IL1RL2: variants seen among roughly 807,000 people sequenced by gnomAD.
The protein encoded by IL1RL2 is interleukin-1 receptor-like 2.
Under a neutral mutation model 66.8 loss-of-function variants are expected in IL1RL2, and 68 were observed. That is an observed-to-expected ratio of 1.02 (90% confidence interval 0.84 to 1.25). The LOEUF (loss-of-function observed/expected upper bound fraction) is 1.25, where lower values mean the gene tolerates loss of function less well. Ranked by LOEUF, IL1RL2 falls within the 50% of genes most tolerant of loss-of-function variation. The pLI, the probability that IL1RL2 is intolerant of heterozygous loss-of-function variation, is 0.00. For synonymous variants in IL1RL2, 305 were observed against 264.6 expected (o/e 1.15, Z -1.48); for missense variants, 729 against 709.3 (o/e 1.03, Z -0.32).
chr2:102,187,445 T>C (rs2104689587), intron 1 of IL1RL2: 4 of 1,029,070 alleles, frequency 3.9e-6, no homozygotes, highest in Non-Finnish European at 4.9e-6. Flanking sequence ...CAGGGGAGGC[T>C]CCGTGCGCCG....
intron 3 of IL1RL2, 146 bp downstream of exon 3, chr2:102,189,456 A>C: frequency 1.6e-6 from 1 of 609,152 alleles, no homozygotes; most frequent in East Asian, 2.8e-5. Flanking sequence ...TCCAGTGAAC[A>C]CATTTTTAAA....
In IL1RL2 at chr2:102,235,215, G is replaced by A. The variant is rs1674767455; in HGVS notation, c.1616G>A (p.Arg539Lys). ...WKTVRYHMPP[R>K]RCRPFPPVQL... The stretch of plus-strand genomic sequence containing the variant: ...ACAGTGAGATACCACATGCCGCCCA[G>A]AAGGTGTCGGCCGTTTCCTCCGGTC... Residue 539 changes from arginine to lysine, a missense_variant, in exon 11 of 12, where the codon AGA becomes AAA. Physicochemically the swap from Arg to Lys is conservative, Grantham distance 26. Transcript: ENST00000264257. The A allele has an allele frequency of 6.2e-7, 1 of 1,614,230 alleles. No homozygotes were observed. The highest frequency in any genetic ancestry group is 2.2e-5 in the East Asian group (1 of 44,876).
rs1437429039 is a variant in IL1RL2, at chr2:102,187,889, G to A, written c.22G>A (p.Gly8Arg). 2 of 1,614,056 alleles carry A rather than the reference G, an allele frequency of 1.2e-6. No individual in the cohort carries two copies. The highest frequency in any genetic ancestry group is 3.3e-5 in the Admixed American group (2 of 60,022). Reference sequence around the variant, plus strand: ...GGGGATGTGGTCCTTGCTGCTCTGCGGGTTGTCCATCGCCCTTCCACTGTC... The same window carrying A: ...GGGGATGTGGTCCTTGCTGCTCTGCAGGTTGTCCATCGCCCTTCCACTGTC... MWSLLLC[G>R]LSIALPLSVT... is the part of the protein sequence containing the mutation. Residue 8 changes from glycine (G) to arginine (R), a missense_variant, in exon 2 of 12, where the codon GGG becomes AGG. By Grantham distance (125) the Gly-to-Arg change is moderately radical. Transcript: ENST00000264257.
chr2:102,194,797 G>C (rs1404695730), intron 4 of IL1RL2, among the ~76,000 whole-genome samples: 1 of 152,084 alleles, frequency 6.6e-6, no homozygotes, highest in Non-Finnish European at 1.5e-5. Context: ...GCCCCGGCTG[G>C]AGTGTGGTAG....
chr2:102,228,012 C>T (rs946234767), intron 9 of IL1RL2, among the ~76,000 whole-genome samples: 7 of 152,174 alleles, frequency 4.6e-5, no homozygotes, highest in East Asian at 1.9e-4. Context: ...TAGGCAGCCC[C>T]GCCCTCTGCT....
At chr2:102,222,491 G>A (rs367740928) in intron 8 of IL1RL2, among the ~76,000 whole-genome samples, 3 of 152,116 alleles carry the variant, frequency 2.0e-5, no homozygotes, top group Admixed American at 6.5e-5. Context: ...ACTGATAGGC[G>A]ATGAAATGGA....
intron 5 of IL1RL2, among the ~76,000 whole-genome samples, chr2:102,208,792 A>G (rs1688916301): frequency 6.6e-6 from 1 of 152,216 alleles, no homozygotes; most frequent in African/African-American, 2.4e-5. Flanking sequence ...GCAACTGCTC[A>G]TTTGATTTAA....
At chr2:102,203,868 G>A in intron 5 of IL1RL2, among the ~76,000 whole-genome samples, 1 of 151,254 alleles carries the variant, frequency 6.6e-6, no homozygotes, top group Admixed American at 6.6e-5. Context: ...CCAACTTTTT[G>A]TTTCATTGAT....
In IL1RL2 at chr2:102,219,906, A is replaced by G; in HGVS notation, c.880A>G (p.Asn294Asp). The G allele has an allele frequency of 6.2e-7, 1 of 1,613,058 alleles. No individual in the cohort carries two copies. The highest frequency in any genetic ancestry group is 8.5e-7 in the Non-Finnish European group (1 of 1,179,070). ...VETHVSFREH[N>D]LYTVNITFLE... ...AACCCATGTCTCTTTTCGGGAACAT[A>G]ATTTGTACACAGTAAACATCACCTT... The change falls in exon 8 of 12, where the codon AAT becomes GAT. Residue 294 changes from asparagine to aspartate, a missense_variant. By Grantham distance (23) the Asn-to-Asp change is conservative. Transcript: ENST00000264257.
chr2:102,214,581 C>G (rs750955980), intron 6 of IL1RL2, among the ~76,000 whole-genome samples: 1 of 151,980 alleles, frequency 6.6e-6, no homozygotes, highest in Non-Finnish European at 1.5e-5. Flanking sequence ...AAAAGATGTT[C>G]CTAAATAGAA....
intron 6 of IL1RL2, among the ~76,000 whole-genome samples, chr2:102,215,826 A>G (rs996123298): frequency 3.9e-5 from 6 of 152,214 alleles, no homozygotes; most frequent in Admixed American, 3.3e-4. Flanking sequence ...ACCAAAGCCA[A>G]CATACCTTAT....
chr2:102,194,651 C>G (rs1254291129), intron 4 of IL1RL2, among the ~76,000 whole-genome samples: 2 of 152,172 alleles, frequency 1.3e-5, no homozygotes, highest in African/African-American at 4.8e-5. Context: ...TTAATTAACA[C>G]TTCCCTGATT....
At chr2:102,187,520 C>A (rs1309931048) in intron 1 of IL1RL2, among the ~76,000 whole-genome samples, 2 of 152,194 alleles carry the variant, frequency 1.3e-5, no homozygotes, top group Non-Finnish European at 2.9e-5. Flanking sequence ...GCGCCCTGGC[C>A]CTCACGGGGG....
chr2:102,235,925 G>A lies in IL1RL2; in HGVS notation c.1678+648G>A, dbSNP rs551932854. 1.4e-5 allele frequency: 14 copies of A among 985,304 alleles called. No homozygotes were observed. In the South Asian group the frequency reaches 4.2e-4, roughly 30 times the overall value. The allele number at this position is 985,304 out of a possible 1,614,324, so 61.0% of individuals were successfully genotyped here. On this transcript the variant is annotated intron_variant, in intron 11 of 11. Transcript: ENST00000264257. ...GACTGCCTCTTGGTCACCCTTCCATGTTTGAGAGGCTTTATCTGTCAAACT... is the reference window on the plus strand; with the variant it reads ...GACTGCCTCTTGGTCACCCTTCCATATTTGAGAGGCTTTATCTGTCAAACT...
At chr2:102,229,786 A>G (rs1690957870) in intron 9 of IL1RL2, among the ~76,000 whole-genome samples, 1 of 152,258 alleles carries the variant, frequency 6.6e-6, no homozygotes, top group African/African-American at 2.4e-5. Flanking sequence ...AAAATTGGGC[A>G]CATTTGTACA....
At chr2:102,240,309 G>A (rs111777243), downstream of IL1RL2, among the ~76,000 whole-genome samples, 1,655 of 144,530 alleles carry the variant, frequency 0.011, 36 homozygotes, top group African/African-American at 0.04. Context: ...GAATATTTTC[G>A]TCCTCTCATC....
At chr2:102,230,053 A>C (rs1690981430) in intron 9 of IL1RL2, among the ~76,000 whole-genome samples, 1 of 152,226 alleles carries the variant, frequency 6.6e-6, no homozygotes, top group Non-Finnish European at 1.5e-5. Context: ...AGTGGCAATA[A>C]GCCTGCATGT....
chr2:102,188,082 A>ACCG (rs397729046), intron 2 of IL1RL2, among the ~76,000 whole-genome samples, 157 bp downstream of exon 2: 1 of 151,920 alleles, frequency 6.6e-6, no homozygotes, highest in Non-Finnish European at 1.5e-5. Context: ...ACAGAGAACC[A>ACCG]GCTCCACGTG....
chr2:102,206,348 G>T (rs1168389262), intron 5 of IL1RL2, among the ~76,000 whole-genome samples: 1 of 152,060 alleles, frequency 6.6e-6, no homozygotes, highest in African/African-American at 2.4e-5. Flanking sequence ...GGTATTTATT[G>T]TAGTCTTCAC....
Sources: allele counts gnomAD v4.1 joint callset (sites outside exome capture counted in the v4.1 genomes callset), GRCh38; gene constraint gnomAD v4.1.1; transcripts MANE v1.5; gene names NCBI Gene and HGNC (gene_info 2026-07-23, HGNC 2026-07-21).